The following ZC3H3 variants were observed in gnomAD, a reference collection of about 807,000 sequenced individuals.
The protein encoded by ZC3H3 is zinc finger CCCH domain-containing protein 3.
In ZC3H3, 36 loss-of-function variants were observed where a neutral mutation model predicts 77.3. That is an observed-to-expected ratio of 0.47 (90% CI 0.36 to 0.61). The LOEUF is 0.61. Among genes scored for constraint, ZC3H3 ranks in the 20% least tolerant of loss-of-function variants. The pLI is 0.00. For synonymous variants in ZC3H3, 626 were observed against 555.2 expected (o/e 1.13, Z -1.79); for missense variants, 1,331 against 1,312.2 (o/e 1.01, Z -0.22).
chr8:143,474,270 G>T (rs1321432434), intron 5 of ZC3H3, among the ~76,000 whole-genome samples: 1 of 151,048 alleles, frequency 6.6e-6, no homozygotes, highest in Non-Finnish European at 1.5e-5. Context: ...GGCACACACA[G>T]GGGTGACACA....
intron 4 of ZC3H3, among the ~76,000 whole-genome samples, chr8:143,501,987 C>T (rs1821539885): frequency 6.6e-6 from 1 of 152,240 alleles, no homozygotes; most frequent in East Asian, 1.9e-4. Flanking sequence ...TGAAATGGTC[C>T]TGAGGTGGGG....
In ZC3H3 at chr8:143,439,945, AGGG is replaced by A. The variant is rs10718248; in HGVS notation, c.2815+93_2815+95del. The A allele has an allele frequency of 3.0e-5, 15 of 505,728 alleles. No individual in the cohort carries two copies. The East Asian group carries it at 3.6e-4, about 12-fold the overall frequency. The allele number at this position is 505,728 out of a possible 1,614,324, so 31.3% of individuals were successfully genotyped here. A position where few individuals can be genotyped will look rare whatever the true frequency, so the allele number is the denominator to read the frequency against. ...ATGCTGCCTACCTGAGTCCTTGCTG[AGGG>A]GGGGGCCCTGGGGGCCTGAGCCAGG... is the stretch of plus-strand genomic sequence containing the variant. On this transcript the variant is annotated intron_variant, in intron 11 of 11. Coordinates refer to ENST00000262577, the MANE Select transcript of ZC3H3 (RefSeq NM_015117.3).
intron 4 of ZC3H3, among the ~76,000 whole-genome samples, chr8:143,501,618 C>A (rs1218663878): frequency 6.6e-6 from 1 of 152,096 alleles, no homozygotes; most frequent in Non-Finnish European, 1.5e-5. Flanking sequence ...CCAAGTTCCT[C>A]TGATCACAGG....
rs907942932 is a variant in ZC3H3 at position 143,536,304 on chromosome 8, C to T, written c.1514G>A (p.Arg505Gln). ...CCGGCTCGGTGGCAGGCGACATAGT[C>T]GGTGCGTGGTGACCTGTACCAGGCC... is the stretch of plus-strand genomic sequence containing the variant. ...NKGLVQVTTHRLCRLPPSRAH... is the reference protein window; with the variant it reads ...NKGLVQVTTHQLCRLPPSRAH... Residue 505 changes from arginine (R) to glutamine (Q), a missense_variant, in exon 3 of 12, where the codon CGA becomes CAA. Arg to Gln is a conservative substitution (Grantham distance 43). This residue lies in a region of ZC3H3 where 978 missense variants were observed against 915.5 expected (regional missense o/e 1.07). Transcript: ENST00000262577. 9.3e-6 allele frequency: 15 copies of T among 1,611,998 alleles called. No individual in the cohort carries two copies. Among genetic ancestry groups the T allele is most frequent in the Admixed American group, 1.7e-5 (1 of 59,920 alleles).
intron 9 of ZC3H3, among the ~76,000 whole-genome samples, chr8:143,450,965 C>T (rs1819973490): frequency 6.6e-6 from 1 of 152,138 alleles, no homozygotes; most frequent in Admixed American, 6.6e-5. Context: ...TTTGGTAAAT[C>T]TAAAATAATA....
chr8:143,438,973 C>T (rs954877107), intron 11 of ZC3H3, among the ~76,000 whole-genome samples: 16 of 152,332 alleles, frequency 1.1e-4, no homozygotes, highest in African/African-American at 3.6e-4. Context: ...TCCACCTGCC[C>T]GAGCTCCTGG....
At chr8:143,449,543 G>A (rs926685751) in intron 9 of ZC3H3, among the ~76,000 whole-genome samples, 4 of 152,128 alleles carry the variant, frequency 2.6e-5, no homozygotes, top group Non-Finnish European at 5.9e-5. Flanking sequence ...TCAACATGGT[G>A]AAACTATGTT....
chr8:143,440,761 G>A (rs988165051), intron 10 of ZC3H3, among the ~76,000 whole-genome samples, 175 bp downstream of exon 10: 7 of 152,216 alleles, frequency 4.6e-5, no homozygotes, highest in Non-Finnish European at 1.0e-4. Context: ...CTTGGAAGTG[G>A]GGTAGGGGCA....
chr8:143,484,165 C>G (rs1403177853), intron 4 of ZC3H3, among the ~76,000 whole-genome samples: 3 of 152,208 alleles, frequency 2.0e-5, no homozygotes, highest in African/African-American at 7.2e-5. Context: ...GCTGGCTCCC[C>G]CGGCCCCTGG....
chr8:143,490,613 A>G (rs1821174571), intron 4 of ZC3H3, among the ~76,000 whole-genome samples: 1 of 152,224 alleles, frequency 6.6e-6, no homozygotes, highest in African/African-American at 2.4e-5. Context: ...TATATTCGAG[A>G]AGTTAAATAA....
At chr8:143,532,114 G>A (rs1822631119) in intron 3 of ZC3H3, among the ~76,000 whole-genome samples, 1 of 152,238 alleles carries the variant, frequency 6.6e-6, no homozygotes, top group South Asian at 2.1e-4. Flanking sequence ...ATGTATTAGC[G>A]TTTTATCTGC....
chr8:143,525,157 C>T (rs577571037), intron 3 of ZC3H3, among the ~76,000 whole-genome samples: 2 of 152,392 alleles, frequency 1.3e-5, no homozygotes, highest in South Asian at 4.1e-4. Flanking sequence ...ACAGCCATGG[C>T]ACTTGCTTGG....
rs757383081 is a variant in ZC3H3 at position 143,475,986 on chromosome 8, G to A, written c.1716-401C>T. 1.3e-5 allele frequency among the ~76,000 whole-genome samples: 2 copies of A among 152,216 alleles called. 1 individual carries two copies. The highest frequency in any genetic ancestry group is 4.8e-5 in the African/African-American group (2 of 41,452). The stretch of plus-strand genomic sequence containing the variant: ...CCTGACCACCTGGCTGTGTGCTGCA[G>A]GGTAAGGGTCCCTGGGGCTGCAGGG... On this transcript the variant is annotated intron_variant, in intron 4 of 11. Transcript: ENST00000262577.
At chr8:143,478,548 G>A (rs949013242) in intron 4 of ZC3H3, among the ~76,000 whole-genome samples, 1 of 152,184 alleles carries the variant, frequency 6.6e-6, no homozygotes, top group Admixed American at 6.5e-5. Flanking sequence ...TTGCTCTTGT[G>A]ACCCAGGCTA....
Position 143,538,417 on chromosome 8 carries a change from G to A in ZC3H3, c.950C>T (p.Ser317Phe), listed in dbSNP as rs1193688247. The A allele has an allele frequency of 2.5e-6, 4 of 1,613,250 alleles. No homozygotes were observed. The African/African-American group carries it at 4.0e-5, about 16-fold the overall frequency. Residue 317 changes from serine to phenylalanine, a missense_variant, in exon 2 of 12, where the codon TCC becomes TTC. Ser to Phe is a radical substitution (Grantham distance 155, BLOSUM62 -2). Around this residue, in one of 3 missense-constraint regions of ZC3H3, gnomAD observed 978 missense variants for 915.5 expected, o/e 1.07. Transcript: ENST00000262577. Reference sequence around the variant, plus strand: ...CCGAGCAACCCGGGGACTCTTCGAGGAGGCAGCCACCCATTTGTAGTTGTT... The same window carrying A: ...CCGAGCAACCCGGGGACTCTTCGAGAAGGCAGCCACCCATTTGTAGTTGTT... ...RKNNYKWVAASSKSPRVARRA... is the reference protein window; with the variant it reads ...RKNNYKWVAAFSKSPRVARRA...
At chr8:143,476,626 C>G (rs181999455) in intron 4 of ZC3H3, among the ~76,000 whole-genome samples, 1 of 152,364 alleles carries the variant, frequency 6.6e-6, no homozygotes, top group African/African-American at 2.4e-5. Context: ...TCACGCTCTG[C>G]TCAAGCTGCC....
intron 5 of ZC3H3, among the ~76,000 whole-genome samples, chr8:143,474,630 G>A (rs1415867055): frequency 1.3e-5 from 2 of 152,314 alleles, no homozygotes; most frequent in Non-Finnish European, 2.9e-5. Context: ...TCCTCCAGGG[G>A]CTGAACCTGT....
At position 143,456,683 on chromosome 8, in the gene ZC3H3, T is replaced by C. The variant is rs539070487; in HGVS notation, c.2307+9034A>G. ...GAGTTGAAGACTAGCCTGAGCAACATAGCAAGACCCTATCTCTACAAAAAA... is the reference window on the plus strand; with the variant it reads ...GAGTTGAAGACTAGCCTGAGCAACACAGCAAGACCCTATCTCTACAAAAAA... On this transcript the variant is annotated intron_variant, in intron 9 of 11. Coordinates refer to ENST00000262577, the MANE Select transcript of ZC3H3 (RefSeq NM_015117.3). 2.5e-4 allele frequency among the ~76,000 whole-genome samples: 38 copies of C among 152,146 alleles called. No individual in the cohort carries two copies. In the South Asian group the frequency reaches 7.3e-3, roughly 29 times the overall value.
chr8:143,449,695 G>A (rs986874075), intron 9 of ZC3H3, among the ~76,000 whole-genome samples: 5 of 151,946 alleles, frequency 3.3e-5, no homozygotes, highest in African/African-American at 4.8e-5. Context: ...CTGAGATTGC[G>A]CCACTGCATT....
Sources: gnomAD v4.1 joint callset for allele counts (sites outside exome capture counted in the v4.1 genomes callset) on GRCh38, gnomAD v4.1.1 for gene constraint, gnomAD v4.1.1 regional missense constraint, MANE v1.5 for transcripts, NCBI Gene and HGNC (gene_info 2026-07-23, HGNC 2026-07-21) for gene names.